The following LMCD1 variants were observed in gnomAD, a reference collection of about 807,000 sequenced individuals.
LMCD1 encodes the protein LIM and cysteine-rich domains protein 1.
A neutral mutation model predicts 42.7 loss-of-function variants in LMCD1; 32 were observed. That is an observed-to-expected ratio of 0.75 (90% CI 0.57 to 1.01). The LOEUF is 1.01. LMCD1 is among the 50% of genes least tolerant of loss of function. LMCD1 has a pLI of 0.00. For missense variants in LMCD1, 458 were observed against 483.1 expected, an observed-to-expected ratio of 0.95 and a Z score of 0.49; for synonymous variants, 178 against 184.9, an observed-to-expected ratio of 0.96 and a Z score of 0.30.
At chr3:8,537,468 T>C in intron 3 of LMCD1, 28 bp downstream of exon 3, 1 of 1,531,656 alleles carries the variant, frequency 6.5e-7, no homozygotes, top group South Asian at 1.3e-5. Flanking sequence ...ACCAAGCAGT[T>C]GTTTTCCTAT....
intron 1 of LMCD1, among the ~76,000 whole-genome samples, chr3:8,530,809 G>A (rs1000320582): frequency 6.6e-6 from 1 of 152,252 alleles, no homozygotes; most frequent in African/African-American, 2.4e-5. Flanking sequence ...AGTCCTACCT[G>A]TGAAAGAAAG....
intron 1 of LMCD1, among the ~76,000 whole-genome samples, chr3:8,505,940 A>G (rs1200699829): frequency 6.6e-6 from 1 of 152,228 alleles, no homozygotes; most frequent in Non-Finnish European, 1.5e-5. Context: ...TTAAACTGTC[A>G]CTTAAAGACC....
Position 8,512,840 on chromosome 3 carries a change from A to G in LMCD1, c.42+10860A>G, listed in dbSNP as rs116002886. On this transcript the variant is annotated intron_variant, in intron 1 of 5. Coordinates refer to ENST00000157600, the MANE Select transcript of LMCD1 (RefSeq NM_014583.4). ...AACTGCCTTCTTTAACAGATGAGGA[A>G]ACAGACCCAGCAAAGCCAGATGACT... Among the ~76,000 whole-genome samples the G allele has an allele frequency of 6.6e-3, 1,013 of 152,346 alleles. 14 individuals carry two copies. The highest frequency in any genetic ancestry group is 0.023 in the African/African-American group (943 of 41,580).
At chr3:8,548,955 T>G in intron 4 of LMCD1, 52 bp downstream of exon 4, 1 of 1,368,898 alleles carries the variant, frequency 7.3e-7, no homozygotes. Flanking sequence ...GGCCCAGGGC[T>G]GGACAGTCAG....
chr3:8,510,798 T>C lies in LMCD1; in HGVS notation c.42+8818T>C, dbSNP rs1409690614. Among the ~76,000 whole-genome samples the C allele has an allele frequency of 2.6e-5, 4 of 152,240 alleles. No individual in the cohort carries two copies. The East Asian group carries it at 7.7e-4, about 29-fold the overall frequency. The stretch of plus-strand genomic sequence containing the variant: ...ATATATTGATACTATCTCAGTAATA[T>C]TGGTTTTCTTTGTATTTTTATCTTA... On this transcript the variant is annotated intron_variant, in intron 1 of 5. Transcript: ENST00000157600.
rs1488690938 is a variant in LMCD1 at position 8,565,899 on chromosome 3, T to TA, written c.939+254dup. On this transcript the variant is annotated intron_variant, in intron 5 of 5. Transcript: ENST00000157600. ...CCTTGGCATAATGCCTAGCACTTAG[T>TA]AAGTACTCAGAACATAGCAGGATGA... 3.9e-5 allele frequency among the ~76,000 whole-genome samples: 6 copies of TA among 152,348 alleles called. No homozygotes were observed. The East Asian group carries it at 1.2e-3, about 29-fold the overall frequency.
intron 4 of LMCD1, among the ~76,000 whole-genome samples, chr3:8,558,866 A>G (rs536316801): frequency 5.3e-5 from 8 of 152,306 alleles, no homozygotes; most frequent in African/African-American, 1.9e-4. Flanking sequence ...TGTGGCCCCA[A>G]CCACACCAGC....
At chr3:8,520,704 T>C (rs1422661431) in intron 1 of LMCD1, among the ~76,000 whole-genome samples, 1 of 152,178 alleles carries the variant, frequency 6.6e-6, no homozygotes, top group Non-Finnish European at 1.5e-5. Context: ...AAAAAACAAT[T>C]GTGTTGGAGC....
chr3:8,558,056 T>G (rs1003815921), intron 4 of LMCD1, among the ~76,000 whole-genome samples: 1 of 152,168 alleles, frequency 6.6e-6, no homozygotes, highest in Non-Finnish European at 1.5e-5. Context: ...CCAAGGTGTG[T>G]GTACTGAGAG....
At chr3:8,543,169 G>A (rs1694661053) in intron 3 of LMCD1, among the ~76,000 whole-genome samples, 1 of 152,110 alleles carries the variant, frequency 6.6e-6, no homozygotes, top group African/African-American at 2.4e-5. Flanking sequence ...AATAGGAAGG[G>A]GACGGTGTGA....
At chr3:8,518,156 A>G (rs1694132194) in intron 1 of LMCD1, among the ~76,000 whole-genome samples, 1 of 152,194 alleles carries the variant, frequency 6.6e-6, no homozygotes, top group Non-Finnish European at 1.5e-5. Context: ...TCCAACATGC[A>G]CAGAGCTCCC....
intron 1 of LMCD1, among the ~76,000 whole-genome samples, chr3:8,511,114 T>C (rs963946449): frequency 2.0e-5 from 3 of 152,214 alleles, no homozygotes; most frequent in African/African-American, 7.2e-5. Flanking sequence ...AGTTTCTTCA[T>C]CAATAAAAGG....
chr3:8,504,416 G>A (rs9312023), intron 1 of LMCD1, among the ~76,000 whole-genome samples: 67,987 of 152,160 alleles, frequency 0.45, 16,412 homozygotes, highest in Non-Finnish European at 0.55. Context: ...AGAGCTACAA[G>A]GGGCCTATTT....
chr3:8,533,866 A>T (rs1694461170), intron 2 of LMCD1, among the ~76,000 whole-genome samples: 1 of 151,970 alleles, frequency 6.6e-6, no homozygotes, highest in South Asian at 2.1e-4. Flanking sequence ...TTCAGAGCAG[A>T]ACACTGTTCC....
At position 8,568,477 on chromosome 3, in the gene LMCD1, C is replaced by T. The variant is rs1695165099; in HGVS notation, c.*879C>T. 6.6e-6 allele frequency: 1 copy of T among 152,226 alleles called. No individual in the cohort carries two copies. The highest frequency in any genetic ancestry group is 2.4e-5 in the African/African-American group (1 of 41,456). 9.4% of individuals were successfully genotyped at this position (152,226 alleles called of 1,614,324 possible). ...CTGGGAAACCACTGAACAGGGGCCA[C>T]CTAAGCTCCACCAATGGGTGCCACA... is the stretch of plus-strand genomic sequence containing the variant. On this transcript the variant is annotated 3_prime_UTR_variant, in exon 6 of 6. Coordinates refer to ENST00000157600, the MANE Select transcript of LMCD1 (RefSeq NM_014583.4).
intron 4 of LMCD1, among the ~76,000 whole-genome samples, chr3:8,551,718 G>A (rs748945113): frequency 7.2e-5 from 11 of 152,190 alleles, no homozygotes; most frequent in African/African-American, 1.4e-4. Flanking sequence ...CAGCAACCCC[G>A]CCATTAGGAG....
At chr3:8,549,950 C>A in intron 4 of LMCD1, 2 of 1,049,304 alleles carry the variant, frequency 1.9e-6, no homozygotes, top group Non-Finnish European at 2.8e-6. Flanking sequence ...AGGACCTGAG[C>A]CCTCACGACC....
intron 2 of LMCD1, among the ~76,000 whole-genome samples, chr3:8,533,572 G>A (rs1326034016): frequency 7.2e-5 from 11 of 152,138 alleles, no homozygotes; most frequent in South Asian, 2.1e-4. Flanking sequence ...TGCCTTGAGC[G>A]CTCAGTGGGG....
intron 1 of LMCD1, among the ~76,000 whole-genome samples, chr3:8,518,718 G>A (rs977804554): frequency 5.3e-5 from 8 of 152,186 alleles, no homozygotes; most frequent in African/African-American, 1.4e-4. Flanking sequence ...GAGAGCTGGA[G>A]AGAATAGTTG....
Sources: gnomAD v4.1 joint callset for allele counts (sites outside exome capture counted in the v4.1 genomes callset) on GRCh38, gnomAD v4.1.1 for gene constraint, MANE v1.5 for transcripts, NCBI Gene and HGNC (gene_info 2026-07-23, HGNC 2026-07-21) for gene names.